Variants in MYOZ3 observed in about 807,000 individuals in gnomAD.
MYOZ3 encodes the protein myozenin 3.
A neutral mutation model predicts 26.5 loss-of-function variants in MYOZ3; 19 were observed. That is an observed-to-expected ratio of 0.72 (90% CI 0.50 to 1.05). MYOZ3 has a LOEUF of 1.05. MYOZ3 is among the 50% of genes least tolerant of loss of function. MYOZ3 has a pLI of 0.00. For missense variants in MYOZ3, 322 were observed against 337.1 expected (o/e 0.96, Z 0.35); for synonymous variants, 135 against 138.8 (o/e 0.97, Z 0.19).
chr5:150,660,952 T>TCTGA (rs1455556147), upstream of MYOZ3: 1 of 1,010 alleles, frequency 9.9e-4, no homozygotes, highest in Non-Finnish European at 5.7e-3. Flanking sequence ...CATTCATCCA[T>TCTGA]CTATCTATCC....
chr5:150,666,424 G>A (rs1035874406), intron 2 of MYOZ3, among the ~76,000 whole-genome samples: 1 of 151,824 alleles, frequency 6.6e-6, no homozygotes, highest in Non-Finnish European at 1.5e-5. Context: ...GACCAGCCTG[G>A]CCAACATGGT....
intron 1 of MYOZ3, among the ~76,000 whole-genome samples, chr5:150,662,573 T>C (rs1758750676): frequency 6.6e-6 from 1 of 152,098 alleles, no homozygotes; most frequent in East Asian, 1.9e-4. Context: ...CTCTCCTGGG[T>C]CAACCGATGA....
intron 2 of MYOZ3, among the ~76,000 whole-genome samples, chr5:150,665,636 C>G (rs996542458): frequency 2.0e-5 from 3 of 151,764 alleles, no homozygotes; most frequent in African/African-American, 7.3e-5. Flanking sequence ...GCTATATTGC[C>G]CAGGCTGGTC....
At chr5:150,672,548 A>G in intron 6 of MYOZ3, 46 bp downstream of exon 6, 2 of 1,522,120 alleles carry the variant, frequency 1.3e-6, no homozygotes, top group African/African-American at 1.4e-5. Context: ...GAGGGGCGGG[A>G]AGCCAGTCAC....
Position 150,671,582 on chromosome 5 carries a change from C to A in MYOZ3, c.217-15C>A. 1 of 1,613,588 alleles carries A rather than the reference C, an allele frequency of 6.2e-7. No homozygotes were observed. The highest frequency in any genetic ancestry group is 8.5e-7 in the Non-Finnish European group (1 of 1,179,638). On this transcript the variant is annotated splice_polypyrimidine_tract_variant and intron_variant, in intron 3 of 6. Coordinates refer to ENST00000517768, the MANE Select transcript of MYOZ3 (RefSeq NM_001122853.3). ...CTGAGCTTCTCTGCGGTTTATTCTA[C>A]CCCCTCGTTCCCAGATGCTGGCCGG...
rs1210606116 is a variant in MYOZ3 at position 150,677,743 on chromosome 5, T to C, written c.*868T>C. The C allele has an allele frequency of 6.6e-6, 1 of 152,138 alleles. No homozygotes were observed. The highest frequency in any genetic ancestry group is 2.4e-5 in the African/African-American group (1 of 41,400). 9.4% of individuals were successfully genotyped at this position (152,138 alleles called of 1,614,324 possible). ...GAGGAAAAGACAGTAGGGAAGACAT[T>C]ATAGAGCATGAAGTCACCATAATTT... On this transcript the variant is annotated 3_prime_UTR_variant, in exon 7 of 7. Transcript: ENST00000517768.
At chr5:150,670,734 G>A in intron 3 of MYOZ3, 96 bp downstream of exon 3, 1 of 1,244,798 alleles carries the variant, frequency 8.0e-7, no homozygotes, top group Non-Finnish European at 1.1e-6. Context: ...TGAGGACTGT[G>A]ATGTTCCCAT....
chr5:150,670,334 G>T, intron 2 of MYOZ3, 150 bp from the exon 3 acceptor site: 1 of 860,974 alleles, frequency 1.2e-6, no homozygotes, highest in Non-Finnish European at 1.6e-6. Flanking sequence ...CATCAGGTGG[G>T]CAAAGATTTC....
chr5:150,671,755 GT>G lies in MYOZ3; in HGVS notation c.273del (p.Ala92ProfsTer56), dbSNP rs1462948202. Reference protein sequence around the residue: ...KVTGTAESGTVANANGPEGPN... With the variant: ...KVTGTAESGTXANANGPEGPN... Reference sequence around the variant, plus strand: ...TCTGAGAACCCGCCCCTGTGCCCAGGTTGCCAATGCCAATGGCCCTGAGGGG... The same window carrying G: ...TCTGAGAACCCGCCCCTGTGCCCAGGTGCCAATGCCAATGGCCCTGAGGGG... On this transcript the variant is annotated frameshift_variant and splice_region_variant, in exon 5 of 7. Transcript: ENST00000517768. LOFTEE classifies it high-confidence loss of function. 1.9e-6 allele frequency: 3 copies of G among 1,613,374 alleles called. No individual in the cohort carries two copies. The highest frequency in any genetic ancestry group is 2.5e-6 in the Non-Finnish European group (3 of 1,179,966).
intron 2 of MYOZ3, 115 bp downstream of exon 2, chr5:150,663,117 C>A: frequency 1.2e-6 from 1 of 846,680 alleles, no homozygotes; most frequent in Non-Finnish European, 1.8e-6. Flanking sequence ...GAGCTCCAGG[C>A]CAGCTCTGAG....
chr5:150,664,897 G>GAGAT (rs971035005), intron 2 of MYOZ3, among the ~76,000 whole-genome samples: 2 of 152,096 alleles, frequency 1.3e-5, no homozygotes, highest in African/African-American at 4.8e-5. Context: ...CATCATAATG[G>GAGAT]AACCATCTGG....
chr5:150,669,070 T>A (rs910483992), intron 2 of MYOZ3: 7 of 152,260 alleles, frequency 4.6e-5, no homozygotes, highest in Admixed American at 4.6e-4. Flanking sequence ...AGAGTTTGGA[T>A]ATGGACTAGA....
At chr5:150,666,630 A>AT (rs759319162) in intron 2 of MYOZ3, among the ~76,000 whole-genome samples, 3,056 of 122,390 alleles carry the variant, frequency 0.025, 55 homozygotes, top group Middle Eastern at 0.054. Flanking sequence ...AAAAAAAAAA[A>AT]ATATATATAT....
chr5:150,675,662 C>T (rs112745215), intron 6 of MYOZ3, among the ~76,000 whole-genome samples: 1 of 152,190 alleles, frequency 6.6e-6, no homozygotes, highest in Admixed American at 6.5e-5. Flanking sequence ...CGTGAGCCAC[C>T]GTGCCCAGCC....
intron 6 of MYOZ3, 167 bp downstream of exon 6, chr5:150,672,669 G>A: frequency 2.8e-6 from 2 of 726,190 alleles, no homozygotes; most frequent in East Asian, 5.8e-5. Flanking sequence ...TCCGCACCTG[G>A]TAGGTGCTCA....
chr5:150,675,866 G>C (rs1758998006), intron 6 of MYOZ3, among the ~76,000 whole-genome samples: 1 of 152,164 alleles, frequency 6.6e-6, no homozygotes. Flanking sequence ...ACACATTTCA[G>C]GTTAGAAAGA....
At chr5:150,675,028 A>G (rs1038308126) in intron 6 of MYOZ3, among the ~76,000 whole-genome samples, 1 of 152,148 alleles carries the variant, frequency 6.6e-6, no homozygotes, top group African/African-American at 2.4e-5. Context: ...ACAAAACAAA[A>G]CAACAAAAAA....
In MYOZ3 at chr5:150,672,322, T is replaced by C. The variant is rs1209190475; in HGVS notation, c.425-18T>C. ...AGGGTGGAAGAACGGAGGCGCTCCCTTCCCCCCGCGCCCCTAGGCTATGCG... is the reference window on the plus strand; with the variant it reads ...AGGGTGGAAGAACGGAGGCGCTCCCCTCCCCCCGCGCCCCTAGGCTATGCG... On this transcript the variant is annotated intron_variant, in intron 5 of 6. Coordinates refer to ENST00000517768, the MANE Select transcript of MYOZ3 (RefSeq NM_001122853.3). 1.9e-6 allele frequency: 3 copies of C among 1,583,340 alleles called. No individual in the cohort carries two copies. In the Admixed American group the frequency reaches 5.5e-5, roughly 29 times the overall value.
chr5:150,666,626 A>ATAT (rs1451646174), intron 2 of MYOZ3, among the ~76,000 whole-genome samples: 1 of 142,104 alleles, frequency 7.0e-6, no homozygotes, highest in African/African-American at 2.7e-5. Context: ...AAAAAAAAAA[A>ATAT]AAAAATATAT....
Sources: gnomAD v4.1 joint callset for allele counts (sites outside exome capture counted in the v4.1 genomes callset) on GRCh38, gnomAD v4.1.1 for gene constraint, MANE v1.5 for transcripts, NCBI Gene and HGNC (gene_info 2026-07-23, HGNC 2026-07-21) for gene names.